Variants in PPP1R9A observed in about 807,000 individuals in gnomAD.
PPP1R9A encodes the protein protein phosphatase 1 regulatory subunit 9A, also known as neurabin-1.
Under a neutral mutation model 141.9 loss-of-function variants are expected in PPP1R9A, and 59 were observed. That is an observed-to-expected ratio of 0.42 (90% CI 0.34 to 0.52). PPP1R9A has a LOEUF of 0.52. Ranked by LOEUF, PPP1R9A falls within the 20% of genes least tolerant of loss-of-function variation. The pLI is 0.10. For synonymous variants in PPP1R9A, 500 were observed against 569.7 expected, an observed-to-expected ratio of 0.88 and a Z score of 1.74; for missense variants, 1,444 against 1,611.9, an observed-to-expected ratio of 0.90 and a Z score of 1.78.
At chr7:95,061,778 T>C (rs1584488771) in intron 2 of PPP1R9A, among the ~76,000 whole-genome samples, 2 of 152,264 alleles carry the variant, frequency 1.3e-5, no homozygotes, top group East Asian at 3.9e-4. Flanking sequence ...TGTCTGTGTT[T>C]GCAACATAAT....
intron 4 of PPP1R9A, among the ~76,000 whole-genome samples, chr7:95,141,806 T>G (rs1179911400): frequency 3.3e-5 from 5 of 152,224 alleles, no homozygotes; most frequent in Admixed American, 3.3e-4. Flanking sequence ...TTTTCACTTT[T>G]GGGCTCTTAA....
At chr7:94,933,468 C>T (rs536860407) in intron 2 of PPP1R9A, among the ~76,000 whole-genome samples, 3 of 152,132 alleles carry the variant, frequency 2.0e-5, no homozygotes, top group Non-Finnish European at 4.4e-5. Context: ...TCTCCTCCCT[C>T]TCTCAACTGT....
rs1288506452 is a variant in PPP1R9A at position 95,057,901 on chromosome 7, T to C, written c.1396-53358T>C. ...TTCTTCTCAGTTTGAACTTTAGGTA[T>C]GGGTAATAGATCAGGAATTGGGGAG... On this transcript the variant is annotated intron_variant, in intron 2 of 19. Coordinates refer to ENST00000433360, the MANE Select transcript of PPP1R9A (RefSeq NM_001166160.2). Among the ~76,000 whole-genome samples, 6 of 152,274 alleles carry C rather than the reference T, an allele frequency of 3.9e-5. No homozygotes were observed. The South Asian group carries it at 1.0e-3, about 26-fold the overall frequency.
chr7:95,048,523 T>G (rs906497833), intron 2 of PPP1R9A, among the ~76,000 whole-genome samples: 35 of 150,488 alleles, frequency 2.3e-4, no homozygotes, highest in Non-Finnish European at 8.9e-5. Flanking sequence ...ATGACAGCGT[T>G]TTGTTGTTGT....
chr7:95,269,343 ACCACATAGCTGAAT>A lies in PPP1R9A; in HGVS notation c.2961_2974del (p.His988SerfsTer28). The A allele has an allele frequency of 1.3e-6, 2 of 1,598,358 alleles. No homozygotes were observed. The highest frequency in any genetic ancestry group is 1.7e-6 in the Non-Finnish European group (2 of 1,179,406). On this transcript the variant is annotated frameshift_variant, in exon 14 of 20. Coordinates refer to ENST00000433360, the MANE Select transcript of PPP1R9A (RefSeq NM_001166160.2). LOFTEE classifies it high-confidence loss of function. ...GATAGCAATGTGCCCTTCTCGTCTG[ACCACATAGCTGAAT>A]TTCAAGAAGAACCACTGGACCCAGA... is the stretch of plus-strand genomic sequence containing the variant.
Position 95,087,946 on chromosome 7 carries a change from G to A in PPP1R9A, c.1396-23313G>A, listed in dbSNP as rs150625644. Reference sequence around the variant, plus strand: ...AAAAGGAATCATGAAAGGGAATTCTGTTCACTTTAAGTAGCTTGAGATCTT... The same window carrying A: ...AAAAGGAATCATGAAAGGGAATTCTATTCACTTTAAGTAGCTTGAGATCTT... On this transcript the variant is annotated intron_variant, in intron 2 of 19. Transcript: ENST00000433360. 9.0e-4 allele frequency among the ~76,000 whole-genome samples: 137 copies of A among 151,622 alleles called. 2 individuals are homozygous for A. In the East Asian group the frequency reaches 0.022, roughly 25 times the overall value.
chr7:95,029,597 T>C (rs566892287), intron 2 of PPP1R9A, among the ~76,000 whole-genome samples: 43 of 152,338 alleles, frequency 2.8e-4, no homozygotes, highest in African/African-American at 1.0e-3. Flanking sequence ...TTGTGTGTTG[T>C]AAAGTGATTT....
intron 2 of PPP1R9A, among the ~76,000 whole-genome samples, chr7:94,944,247 C>G (rs1220633552): frequency 6.6e-6 from 1 of 151,988 alleles, no homozygotes; most frequent in Non-Finnish European, 1.5e-5. Flanking sequence ...GATGACACTT[C>G]CTCATTGAAT....
At chr7:94,949,395 C>G (rs1796220232) in intron 2 of PPP1R9A, among the ~76,000 whole-genome samples, 1 of 152,088 alleles carries the variant, frequency 6.6e-6, no homozygotes, top group Admixed American at 6.6e-5. Context: ...GTGTAATACT[C>G]AAATGTCTTG....
intron 2 of PPP1R9A, among the ~76,000 whole-genome samples, chr7:94,981,377 C>T (rs1016246966): frequency 6.6e-6 from 1 of 152,068 alleles, no homozygotes; most frequent in African/African-American, 2.4e-5. Context: ...ATTGCTGAGA[C>T]TACAGGAGTG....
chr7:95,268,796 CAG>C (rs1801697233), intron 13 of PPP1R9A, 89 bp downstream of exon 13: 3 of 1,476,378 alleles, frequency 2.0e-6, no homozygotes, highest in African/African-American at 1.4e-5. Flanking sequence ...TTTCTGCAAA[CAG>C]AGTCTATGTC....
intron 2 of PPP1R9A, among the ~76,000 whole-genome samples, chr7:95,075,485 G>A (rs1333922580): frequency 6.6e-6 from 1 of 152,090 alleles, no homozygotes; most frequent in Non-Finnish European, 1.5e-5. Context: ...GTGACTCAGG[G>A]AGGTGGTTAG....
chr7:95,028,078 T>G (rs777297055), intron 2 of PPP1R9A, among the ~76,000 whole-genome samples: 3 of 152,176 alleles, frequency 2.0e-5, no homozygotes, highest in Non-Finnish European at 4.4e-5. Flanking sequence ...AACCATAAAT[T>G]TAGGGCTGTC....
rs1791824718 is a variant in PPP1R9A, at chr7:95,210,370, T to G, written c.1956+6640T>G. Among the ~76,000 whole-genome samples, 4 of 152,162 alleles carry G rather than the reference T, an allele frequency of 2.6e-5. 1 individual carries two copies. The South Asian group carries it at 8.3e-4, about 32-fold the overall frequency. On this transcript the variant is annotated intron_variant, in intron 7 of 19. Transcript: ENST00000433360. ...GCATAAAAAATAAAAATTAATTTGA[T>G]ATTTCTGGTTTCTATTTTTATTTGA...
intron 4 of PPP1R9A, among the ~76,000 whole-genome samples, chr7:95,122,495 G>A (rs959554425): frequency 6.6e-6 from 1 of 152,038 alleles, no homozygotes; most frequent in Admixed American, 6.6e-5. Context: ...CCCACAGATA[G>A]TTCTCAAAGA....
intron 2 of PPP1R9A, among the ~76,000 whole-genome samples, chr7:94,963,717 T>G (rs1318989701): frequency 2.6e-5 from 4 of 152,206 alleles, no homozygotes; most frequent in Admixed American, 6.5e-5. Context: ...GGATTTTTGA[T>G]TTTTTGAAGT....
chr7:95,159,114 T>A (rs1354664273), intron 4 of PPP1R9A, among the ~76,000 whole-genome samples: 1 of 152,196 alleles, frequency 6.6e-6, no homozygotes, highest in African/African-American at 2.4e-5. Flanking sequence ...TATTTTATTA[T>A]ACCTAAATTG....
At chr7:95,183,207 G>A (rs913729329) in intron 5 of PPP1R9A, among the ~76,000 whole-genome samples, 1 of 151,602 alleles carries the variant, frequency 6.6e-6, no homozygotes, top group African/African-American at 2.4e-5. Context: ...GTGCAATCTC[G>A]GCTTACTGCA....
At chr7:95,087,538 T>C (rs1563218559) in intron 2 of PPP1R9A, among the ~76,000 whole-genome samples, 1 of 151,958 alleles carries the variant, frequency 6.6e-6, no homozygotes, top group Non-Finnish European at 1.5e-5. Context: ...TGATGAAATA[T>C]TGATAGTAAA....
Sources: gnomAD v4.1 joint callset for allele counts (sites outside exome capture counted in the v4.1 genomes callset) on GRCh38, gnomAD v4.1.1 for gene constraint, MANE v1.5 for transcripts, NCBI Gene and HGNC (gene_info 2026-07-23, HGNC 2026-07-21) for gene names.